The following GSN variants were observed in gnomAD, a reference collection of about 807,000 sequenced individuals.
GSN encodes actin-depolymerizing factor.
GSN carries 56 observed loss-of-function variants against 85.7 expected under a neutral mutation model. The ratio of observed to expected loss-of-function variants is 0.65; its 90% CI spans 0.53 to 0.82. GSN has a LOEUF of 0.82. Among genes scored for constraint, GSN ranks in the 40% least tolerant of loss-of-function variants. GSN has a pLI of 0.00. For missense variants in GSN, 857 were observed against 979.8 expected (o/e 0.87, Z 1.67); for synonymous variants, 373 against 399.1 (o/e 0.93, Z 0.78).
intron 2 of GSN, among the ~76,000 whole-genome samples, chr9:121,286,941 T>C (rs2058164217): frequency 6.6e-6 from 1 of 152,184 alleles, no homozygotes. Flanking sequence ...AGACAATGCT[T>C]ATAAAGTACT....
At chr9:121,253,336 G>T (rs2054879321) in intron 6 of GSN, among the ~76,000 whole-genome samples, 1 of 152,218 alleles carries the variant, frequency 6.6e-6, no homozygotes, top group African/African-American at 2.4e-5. Flanking sequence ...CTATCTGTTT[G>T]TAACAGTGGT....
At chr9:121,227,897 C>G (rs1433022493) in intron 4 of GSN, among the ~76,000 whole-genome samples, 2 of 152,128 alleles carry the variant, frequency 1.3e-5, no homozygotes, top group African/African-American at 4.8e-5. Flanking sequence ...TCCAGCACCC[C>G]ACATGGATTC....
Position 121,219,967 on chromosome 9 carries a change from C to T in GSN, c.-528+9100C>T, listed in dbSNP as rs150426186. 5.1e-3 allele frequency among the ~76,000 whole-genome samples: 780 copies of T among 152,176 alleles called. 3 individuals are homozygous for T. Among genetic ancestry groups the T allele is most frequent in the African/African-American group, 0.018 (736 of 41,524 alleles). On this transcript the variant is annotated intron_variant, in intron 4 of 24. Transcript: ENST00000373823. ...CGCGATCTCAGCTCACCGCAATCTC[C>T]GCCTCCCAGGTTCAAGTGATTCTCC...
chr9:121,223,305 TGA>T lies in GSN; in HGVS notation c.-527-7856_-527-7855del, dbSNP rs141813745. On this transcript the variant is annotated intron_variant, in intron 4 of 24. Coordinates refer to the GSN transcript ENST00000373823. ...CCTGATGATCACCTAACATTCCGAG[TGA>T]GAGGGGTCCCTCTCCTGCCCTGCTC... Among the ~76,000 whole-genome samples the T allele has an allele frequency of 5.5e-3, 843 of 152,122 alleles. 7 individuals are homozygous for T. Among genetic ancestry groups the T allele is most frequent in the Non-Finnish European group, 0.01 (695 of 68,000 alleles).
chr9:121,261,020 G>A lies in GSN; in HGVS notation c.-340-4134G>A, dbSNP rs138262284. Among the ~76,000 whole-genome samples, 30 of 152,330 alleles carry A rather than the reference G, an allele frequency of 2.0e-4. No individual in the cohort carries two copies. In the East Asian group the frequency reaches 5.4e-3, roughly 27 times the overall value. On this transcript the variant is annotated intron_variant, in intron 6 of 24. Transcript: ENST00000373823. This position sits in a 1 kb window ranked among gnomAD's most constrained non-coding sequence, Gnocchi z 4.1. ...TAAGAAGGTAATGCATTGCTGGCCC[G>A]ATTGTGTTTCAACTCCAAGAAACAG...
chr9:121,313,349 G>C (rs953237373), intron 6 of GSN: 1 of 174,506 alleles, frequency 5.7e-6, no homozygotes, highest in Admixed American at 5.4e-5. Flanking sequence ...TTCTCTGGGG[G>C]CATCCAATTC....
chr9:121,293,206 G>A (rs1243591224), intron 2 of GSN, among the ~76,000 whole-genome samples: 1 of 152,212 alleles, frequency 6.6e-6, no homozygotes, highest in Non-Finnish European at 1.5e-5. Flanking sequence ...CTGATCCCTA[G>A]GCAGGCAGGA....
chr9:121,318,424 A>T lies in GSN; in HGVS notation c.905A>T (p.Glu302Val). ...CCAACAGGCAAGCAGGCAAACACGG[A>T]GGAGAGGAAGGCTGCCCTCAAAACA... ...FVWKGKQANT[E>V]ERKAALKTAS... The change falls in exon 9 of 18, where the codon GAG becomes GTG. Residue 302 changes from glutamate to valine, a missense_variant. Coordinates refer to ENST00000432226, the MANE Select transcript of GSN (RefSeq NM_198252.3). The surrounding 1 kb of genome is among the most constrained non-coding windows in gnomAD (Gnocchi z 4.3). 2 of 1,614,060 alleles carry T rather than the reference A, an allele frequency of 1.2e-6. No homozygotes were observed. Among genetic ancestry groups the T allele is most frequent in the South Asian group, 2.2e-5 (2 of 91,080 alleles).
At chr9:121,246,403 T>A (rs1187476395) in intron 5 of GSN, among the ~76,000 whole-genome samples, 2 of 152,220 alleles carry the variant, frequency 1.3e-5, no homozygotes, top group African/African-American at 4.8e-5. Context: ...TTTCTATGAA[T>A]TCAAATTTCT....
chr9:121,238,890 G>A, intron 5 of GSN: 1 of 535,402 alleles, frequency 1.9e-6, no homozygotes. Context: ...CCTACAGCTG[G>A]TTACATACAT....
chr9:121,228,592 C>T (rs1440945482), intron 4 of GSN, among the ~76,000 whole-genome samples: 1 of 151,356 alleles, frequency 6.6e-6, no homozygotes, highest in Non-Finnish European at 1.5e-5. Context: ...TGCCACCATA[C>T]CCGGATAATT....
At chr9:121,317,370 G>A (rs1404330675) in intron 8 of GSN, 152 bp downstream of exon 8, 4 of 843,610 alleles carry the variant, frequency 4.7e-6, no homozygotes, top group Non-Finnish European at 8.0e-6. Flanking sequence ...TTTTGCATTT[G>A]ACATACTGTG....
intron 17 of GSN, chr9:121,331,709 G>A (rs2063928004): frequency 2.5e-6 from 1 of 402,430 alleles, no homozygotes; most frequent in Admixed American, 3.7e-5. Context: ...CAGATGAGAA[G>A]TCACTTCAAG....
chr9:121,328,648 G>A (rs1343368283), intron 14 of GSN, among the ~76,000 whole-genome samples: 1 of 152,198 alleles, frequency 6.6e-6, no homozygotes, highest in East Asian at 1.9e-4. Flanking sequence ...GCTGTCGTCA[G>A]CCTCAAGCCA....
chr9:121,300,624 C>G (rs949303857), intron 2 of GSN, among the ~76,000 whole-genome samples: 6 of 152,176 alleles, frequency 3.9e-5, no homozygotes, highest in Non-Finnish European at 8.8e-5. Flanking sequence ...GTCCTCGACT[C>G]CAGCCTAACC....
At chr9:121,276,606 G>A (rs1049984746) in intron 1 of GSN, among the ~76,000 whole-genome samples, 7 of 152,290 alleles carry the variant, frequency 4.6e-5, no homozygotes, top group South Asian at 2.1e-4. Context: ...TTTAGGAATC[G>A]CCTGGCTCTA....
intron 2 of GSN, among the ~76,000 whole-genome samples, chr9:121,209,583 A>G (rs1043101111): frequency 1.3e-5 from 2 of 152,200 alleles, no homozygotes; most frequent in African/African-American, 4.8e-5. Context: ...GTGGCTTTGG[A>G]AAGTTCCTTA....
chr9:121,286,289 G>A, intron 2 of GSN: 2 of 726,260 alleles, frequency 2.8e-6, no homozygotes, highest in South Asian at 3.5e-5. Context: ...TTCAACACCA[G>A]CCAGGCCCCC....
At chr9:121,271,846 GC>G (rs1023316909) in intron 1 of GSN, among the ~76,000 whole-genome samples, 6 of 152,230 alleles carry the variant, frequency 3.9e-5, no homozygotes, top group African/African-American at 1.4e-4. Flanking sequence ...GACTTGCCCA[GC>G]AAGGTCATGT....
Sources: gnomAD v4.1 joint callset for allele counts (sites outside exome capture counted in the v4.1 genomes callset) on GRCh38, gnomAD v4.1.1 for gene constraint, Gnocchi (gnomAD v3.1) non-coding constraint, MANE v1.5 for transcripts, NCBI Gene and HGNC (gene_info 2026-07-23, HGNC 2026-07-21) for gene names.